Variants in PCDHA5 observed in about 807,000 individuals in gnomAD.
PCDHA5 encodes protocadherin alpha-5.
A neutral mutation model predicts 61.6 loss-of-function variants in PCDHA5; 43 were observed. That is an observed-to-expected ratio of 0.70 (90% CI 0.55 to 0.90). PCDHA5 has a LOEUF of 0.90. PCDHA5 is among the 40% of genes least tolerant of loss of function. The pLI is 0.00. For missense variants in PCDHA5, 1,298 were observed against 1,222.7 expected (o/e 1.06, Z -0.92); for synonymous variants, 627 against 543.9 (o/e 1.15, Z -2.13).
chr5:140,857,626 G>A (rs536509917), intron 1 of PCDHA5: 1 of 1,596,672 alleles, frequency 6.3e-7, no homozygotes, highest in South Asian at 1.1e-5. Context: ...ACCACGAGGA[G>A]CTGGAGCTGC....
chr5:140,857,331 A>G lies in PCDHA5; in HGVS notation c.2352+33204A>G, dbSNP rs1554149861. 4 of 1,598,402 alleles carry G rather than the reference A, an allele frequency of 2.5e-6. No homozygotes were observed. Among genetic ancestry groups the G allele is most frequent in the African/African-American group, 1.3e-5 (1 of 74,458 alleles). On this transcript the variant is annotated intron_variant, in intron 1 of 3. Coordinates refer to ENST00000529859, the MANE Select transcript of PCDHA5 (RefSeq NM_018908.3). ...TATGAGCTGGTGGTGACCGCGCGGG[A>G]CGGGGGCTCGCCTCCGCTGTGGGCC...
intron 1 of PCDHA5, among the ~76,000 whole-genome samples, chr5:140,959,469 A>G (rs1180811354): frequency 5.3e-5 from 8 of 152,226 alleles, no homozygotes; most frequent in East Asian, 1.9e-4. Context: ...GTTGGCATCA[A>G]TCAAGGCATA....
At chr5:141,009,476 C>T in intron 3 of PCDHA5, 151 bp from the exon 4 acceptor site, 4 of 1,420,154 alleles carry the variant, frequency 2.8e-6, no homozygotes, top group Non-Finnish European at 2.8e-6. Flanking sequence ...AATAAGTAAA[C>T]ACTTGCCTTG....
intron 1 of PCDHA5, chr5:140,860,465 T>C (rs12657479): frequency 6.6e-6 from 1 of 152,098 alleles, no homozygotes; most frequent in Admixed American, 6.5e-5. Flanking sequence ...GATAATACAG[T>C]TGGTGCAGTA....
In PCDHA5 at chr5:140,875,872, A is replaced by C. The variant is rs1554168004; in HGVS notation, c.2352+51745A>C. Reference sequence around the variant, plus strand: ...CATTAACGACAACCCGCCGGTGTTCAGAGAAAGGGAACAAAAGGTACCTGT... The same window carrying C: ...CATTAACGACAACCCGCCGGTGTTCCGAGAAAGGGAACAAAAGGTACCTGT... On this transcript the variant is annotated intron_variant, in intron 1 of 3. Coordinates refer to ENST00000529859, the MANE Select transcript of PCDHA5 (RefSeq NM_018908.3). 1.9e-6 allele frequency: 3 copies of C among 1,614,224 alleles called. No individual in the cohort carries two copies. In the East Asian group the frequency reaches 6.7e-5, roughly 36 times the overall value.
chr5:140,836,751 T>C (rs2150269188), intron 1 of PCDHA5: 5 of 1,580,282 alleles, frequency 3.2e-6, no homozygotes, highest in Middle Eastern at 1.7e-4. Flanking sequence ...GAGTCATAAA[T>C]AATCTTGTTT....
At position 141,009,698 on chromosome 5, in the gene PCDHA5, G is replaced by A. The variant is rs900919931; in HGVS notation, c.2572G>A (p.Gly858Arg). The part of the protein sequence containing the change: ...VNSNSWTFKY[G>R]PGNPKQSGPG... Reference sequence around the variant, plus strand: ...CAGCAACAGCTGGACCTTTAAATACGGACCAGGCAACCCCAAACAATCCGG... The same window carrying A: ...CAGCAACAGCTGGACCTTTAAATACAGACCAGGCAACCCCAAACAATCCGG... The change falls in exon 4 of 4, where the codon GGA (glycine) becomes AGA (arginine). Residue 858 changes from glycine (G) to arginine (R), a missense_variant. Physicochemically the swap from Gly to Arg is moderately radical, Grantham distance 125. Transcript: ENST00000529859. The A allele has an allele frequency of 1.9e-6, 3 of 1,614,030 alleles. No homozygotes were observed. The highest frequency in any genetic ancestry group is 1.1e-5 in the South Asian group (1 of 91,066).
chr5:140,968,401 C>A, intron 1 of PCDHA5: 4 of 1,613,984 alleles, frequency 2.5e-6, no homozygotes, highest in Non-Finnish European at 2.5e-6. Context: ...TTCGGGAGTT[C>A]TTTGTGACTG....
At chr5:140,964,959 T>C (rs1330728069) in intron 1 of PCDHA5, among the ~76,000 whole-genome samples, 2 of 152,168 alleles carry the variant, frequency 1.3e-5, no homozygotes, top group African/African-American at 4.8e-5. Context: ...GCTTGGTTGG[T>C]GGAACGAAGG....
chr5:140,840,052 T>C (rs1449998966), intron 1 of PCDHA5, among the ~76,000 whole-genome samples: 1 of 152,072 alleles, frequency 6.6e-6, no homozygotes, highest in Non-Finnish European at 1.5e-5. Flanking sequence ...GGAAGTCTAA[T>C]GTCTTGACAA....
chr5:140,863,737 A>G (rs758176321), intron 1 of PCDHA5: 1 of 251,160 alleles, frequency 4.0e-6, no homozygotes, highest in East Asian at 1.0e-4. Flanking sequence ...GCTCATGCCT[A>G]TTTGTAATCC....
chr5:140,853,230 G>T, intron 1 of PCDHA5: 1 of 982,608 alleles, frequency 1.0e-6, no homozygotes. Flanking sequence ...TGGTAATTTA[G>T]TCCTTCATAT....
intron 1 of PCDHA5, among the ~76,000 whole-genome samples, chr5:140,855,122 G>C (rs1327374532): frequency 1.3e-5 from 2 of 149,706 alleles, no homozygotes; most frequent in African/African-American, 4.9e-5. Flanking sequence ...CATTCTATAG[G>C]TAATAATTTT....
At chr5:140,874,144 T>C (rs1554167057) in intron 1 of PCDHA5, among the ~76,000 whole-genome samples, 2 of 152,244 alleles carry the variant, frequency 1.3e-5, no homozygotes. Context: ...CTTATACTTG[T>C]AGAGCCATTC....
intron 1 of PCDHA5, among the ~76,000 whole-genome samples, chr5:140,905,926 A>G (rs1040903041): frequency 6.6e-6 from 1 of 152,318 alleles, no homozygotes; most frequent in East Asian, 1.9e-4. Flanking sequence ...TCTGAGTCCC[A>G]AAGCTGAAGA....
In PCDHA5 at chr5:140,829,234, C is replaced by T. The variant is rs140237774; in HGVS notation, c.2352+5107C>T. On this transcript the variant is annotated intron_variant, in intron 1 of 3. Coordinates refer to ENST00000529859, the MANE Select transcript of PCDHA5 (RefSeq NM_018908.3). ...GCGTGAACGACCTCGATTCAGGTGC[C>T]AACGGGCAGGTGAACTGCTCGCTGA... The T allele has an allele frequency of 3.7e-6, 6 of 1,614,136 alleles. No homozygotes were observed. In the African/African-American group the frequency reaches 6.7e-5, roughly 18 times the overall value.
Position 140,857,604 on chromosome 5 carries a change from T to C in PCDHA5, c.2352+33477T>C, listed in dbSNP as rs1294714828. On this transcript the variant is annotated intron_variant, in intron 1 of 3. Transcript: ENST00000529859. ...GCGGAGAGCGGCAAGGTGTACGCGC[T>C]GCAGCCGCTGGACCACGAGGAGCTG... 5.0e-6 allele frequency: 8 copies of C among 1,596,244 alleles called. 1 individual carries two copies. Among genetic ancestry groups the C allele is most frequent in the Non-Finnish European group, 6.9e-6 (8 of 1,167,658 alleles).
chr5:140,824,626 T>TTTTTTTTTTG (rs1768277124), intron 1 of PCDHA5: 3 of 133,454 alleles, frequency 2.2e-5, no homozygotes, highest in African/African-American at 3.2e-5. Flanking sequence ...TTTTTTTTTT[T>TTTTTTTTTTG]TTTTTTATTT....
intron 1 of PCDHA5, chr5:140,830,451 A>G: frequency 6.3e-7 from 1 of 1,597,306 alleles, no homozygotes; most frequent in South Asian, 1.1e-5. Context: ...GGTAAGGCGG[A>G]GAATCAGGAT....
Sources: allele counts gnomAD v4.1 joint callset (sites outside exome capture counted in the v4.1 genomes callset), GRCh38; gene constraint gnomAD v4.1.1; transcripts MANE v1.5; gene names NCBI Gene and HGNC (gene_info 2026-07-23, HGNC 2026-07-21).